PALB2: variants seen among roughly 807,000 people sequenced by gnomAD.
PALB2 encodes the protein partner and localizer of BRCA2.
PALB2 carries 82 observed loss-of-function variants against 107.4 expected under a neutral mutation model. That is an observed-to-expected ratio of 0.76 (90% CI 0.64 to 0.92). The LOEUF is 0.92. Among genes scored for constraint, PALB2 ranks in the 40% least tolerant of loss-of-function variants. The pLI is 0.00. For missense variants in PALB2, 1,374 were observed against 1,379.9 expected, an observed-to-expected ratio of 1.00 and a Z score of 0.07; for synonymous variants, 489 against 496.8, an observed-to-expected ratio of 0.98 and a Z score of 0.21.
At chr16:23,638,723 A>C (rs555237845) in intron 1 of PALB2, 20 of 355,238 alleles carry the variant, frequency 5.6e-5, no homozygotes, top group South Asian at 3.8e-4. Context: ...CAAGGTAAAA[A>C]AATACACAGA....
chr16:23,623,819 T>C, intron 8 of PALB2, 190 bp downstream of exon 8: 1 of 593,550 alleles, frequency 1.7e-6, no homozygotes. Flanking sequence ...GCGCCCAGCC[T>C]AGGTTCACAT....
At chr16:23,624,228 A>T in intron 7 of PALB2, 134 bp from the exon 8 acceptor site, 2 of 684,950 alleles carry the variant, frequency 2.9e-6, no homozygotes, top group Non-Finnish European at 2.6e-6. Context: ...AGGCTCAGAA[A>T]ACTCTTTTTA....
rs1375166092 is a variant in PALB2 at position 23,636,039 on chromosome 16, G to C, written c.507C>G (p.Leu169=). ...CCTTTAGTCTTTTCCCAGACAATCT[G>C]AGTGAATCAGTGCCAAAGACACAGT... ...ERDCVFGTDS[L]RLSGKRLKEQ... is the part of the protein sequence containing the mutation. Residue 169 remains leucine (L), a synonymous_variant, in exon 4 of 13, where the codon CTC becomes CTG. Transcript: ENST00000261584. 4 of 1,613,952 alleles carry C rather than the reference G, an allele frequency of 2.5e-6. No homozygotes were observed. Among genetic ancestry groups the C allele is most frequent in the Non-Finnish European group, 3.4e-6 (4 of 1,180,026 alleles).
At chr16:23,640,176 C>T (rs867420169) in intron 1 of PALB2, 8 of 173,712 alleles carry the variant, frequency 4.6e-5, no homozygotes, top group Non-Finnish European at 8.7e-5. Context: ...CAGGCGTGAG[C>T]CAGGGAGACT....
chr16:23,637,951 C>A lies in PALB2; in HGVS notation c.110G>T (p.Arg37Leu), dbSNP rs202194596. Residue 37 changes from arginine to leucine, a missense_variant and splice_region_variant, in exon 3 of 13, where the codon CGT becomes CTT. Coordinates refer to ENST00000261584, the MANE Select transcript of PALB2 (RefSeq NM_024675.4). ...CTTAATCTTTTCAGCTCTTTGGGCACGCTAGAGGAGACAAAAACAGCCCCA... is the reference window on the plus strand; with the variant it reads ...CTTAATCTTTTCAGCTCTTTGGGCAAGCTAGAGGAGACAAAAACAGCCCCA... ...EYSKTLARLQ[R>L]AQRAEKIKHS... 1 of 1,613,092 alleles carries A rather than the reference C, an allele frequency of 6.2e-7. No homozygotes were observed. The highest frequency in any genetic ancestry group is 8.5e-7 in the Non-Finnish European group (1 of 1,179,168).
In PALB2 at chr16:23,629,726, G is replaced by A. The variant is rs759894786; in HGVS notation, c.2428C>T (p.Pro810Ser). The A allele has an allele frequency of 2.5e-6, 4 of 1,614,218 alleles. No homozygotes were observed. The highest frequency in any genetic ancestry group is 2.2e-5 in the South Asian group (2 of 91,086). The change falls in exon 5 of 13, where the codon CCT becomes TCT. Residue 810 changes from proline (P) to serine (S), a missense_variant. Physicochemically the swap from Pro to Ser is moderately conservative, Grantham distance 74 (BLOSUM62 -1). Transcript: ENST00000261584. ...AAAGTGAATGACTCAATGGGTGGAG[G>A]TGTTCCTGGCGGGACAGAGTCACAG... ...CDCDSVPPGT[P>S]PPIESFTFKE...
intron 1 of PALB2, chr16:23,638,511 AAGGTAGC>A (rs1384397951): frequency 1.3e-5 from 6 of 463,026 alleles, no homozygotes; most frequent in Non-Finnish European, 2.1e-5. Flanking sequence ...CAGATCCTTG[AAGGTAGC>A]AGGAACTGCC....
rs1195275297 is a variant in PALB2 at position 23,630,068 on chromosome 16, T to C, written c.2086A>G (p.Thr696Ala). 1.2e-6 allele frequency: 2 copies of C among 1,614,172 alleles called. No homozygotes were observed. Among genetic ancestry groups the C allele is most frequent in the Middle Eastern group, 1.6e-4 (1 of 6,062 alleles). The change falls in exon 5 of 13, where the codon ACG becomes GCG. Residue 696 changes from threonine to alanine, a missense_variant. Physicochemically the swap from Thr to Ala is moderately conservative, Grantham distance 58 (BLOSUM62 0). Transcript: ENST00000261584. Reference protein sequence around the residue: ...RPNSQSQHTKTGLSSSILLYT... With the variant: ...RPNSQSQHTKAGLSSSILLYT... ...AGTAATATGGATGAAGAAAGGCCCG[T>C]CTTTGTATGCTGGCTTTGCGAGTTT...
chr16:23,607,832 C>T (rs1373057720), intron 12 of PALB2, 32 bp downstream of exon 12: 2 of 1,612,834 alleles, frequency 1.2e-6, no homozygotes, highest in Non-Finnish European at 1.7e-6. Context: ...TCAGAATGTC[C>T]CACCCATAGA....
rs730881875 is a variant in PALB2 at position 23,641,162 on chromosome 16, C to A, written c.-5G>T. The A allele has an allele frequency of 7.4e-6, 12 of 1,612,672 alleles. No individual in the cohort carries two copies. Among genetic ancestry groups the A allele is most frequent in the Non-Finnish European group, 8.5e-6 (10 of 1,179,746 alleles). ...CTTCCCGGGAGGCTCGTCCATCGGG[C>A]AGGCGACAGAACGAAAAGAGCAGCC... On this transcript the variant is annotated 5_prime_UTR_variant, in exon 1 of 13. Transcript: ENST00000261584.
At chr16:23,634,710 C>T (rs1471911064) in intron 4 of PALB2, 152 bp downstream of exon 4, 1 of 868,480 alleles carries the variant, frequency 1.2e-6, no homozygotes, top group East Asian at 2.8e-5. Context: ...TCACTCTGTT[C>T]CTCAGCCTCC....
intron 4 of PALB2, 134 bp from the exon 5 acceptor site, chr16:23,630,603 T>G (rs1966868823): frequency 1.3e-6 from 1 of 760,886 alleles, no homozygotes; most frequent in Non-Finnish European, 2.1e-6. Context: ...TTCCCCAGAA[T>G]GAACTTAATG....
At position 23,635,783 on chromosome 16, in the gene PALB2, C is replaced by G. The variant is rs1567222367; in HGVS notation, c.763G>C (p.Asp255His). The G allele has an allele frequency of 6.2e-7, 1 of 1,614,146 alleles. No individual in the cohort carries two copies. The highest frequency in any genetic ancestry group is 8.5e-7 in the Non-Finnish European group (1 of 1,180,016). The change falls in exon 4 of 13, where the codon GAT becomes CAT. Residue 255 changes from aspartate (D) to histidine (H), a missense_variant. By Grantham distance (81) the Asp-to-His change is moderately conservative. Coordinates refer to ENST00000261584, the MANE Select transcript of PALB2 (RefSeq NM_024675.4). ...ATTVPLQTLS[D>H]SGSSQHLEHI... ...TCAAGGTGCTGACTACTACCGCTAT[C>G]TGATAGAGTCTGTAAAGGAACTGTA...
intron 11 of PALB2, among the ~76,000 whole-genome samples, chr16:23,613,067 A>G (rs1405205249): frequency 6.6e-6 from 1 of 151,516 alleles, no homozygotes; most frequent in Non-Finnish European, 1.5e-5. Flanking sequence ...TATGGGGTAC[A>G]TGTATTTGTT....
At position 23,630,224 on chromosome 16, in the gene PALB2, C is replaced by T. The variant is rs786202439; in HGVS notation, c.1930G>A (p.Gly644Arg). Reference protein sequence around the residue: ...PVEPFESKMFGERHLKEGSCI... With the variant: ...PVEPFESKMFRERHLKEGSCI... The stretch of plus-strand genomic sequence containing the variant: ...CTTCCCTCTTTAAGATGTCTCTCTC[C>T]AAACATTTTTGACTCAAAGGGCTCC... The change falls in exon 5 of 13, where the codon GGA becomes AGA. Residue 644 changes from glycine (G) to arginine (R), a missense_variant. Transcript: ENST00000261584. 1.2e-6 allele frequency: 2 copies of T among 1,614,102 alleles called. No homozygotes were observed. Among genetic ancestry groups the T allele is most frequent in the South Asian group, 2.2e-5 (2 of 91,086 alleles).
In PALB2 at chr16:23,605,598, A is replaced by G. The variant is rs11864661; in HGVS notation, c.3351-1929T>C. Among the ~76,000 whole-genome samples, 267 of 152,242 alleles carry G rather than the reference A, an allele frequency of 1.8e-3. 1 individual carries two copies. Among genetic ancestry groups the G allele is most frequent in the African/African-American group, 5.3e-3 (220 of 41,558 alleles). On this transcript the variant is annotated intron_variant, in intron 12 of 12. Coordinates refer to ENST00000261584, the MANE Select transcript of PALB2 (RefSeq NM_024675.4). ...TCATTTTTGTATTTTTAGTGGAGAC[A>G]GGGTTTCACCATGTTGGCCAGGCTG...
chr16:23,620,459 A>G (rs1415346738), intron 10 of PALB2, among the ~76,000 whole-genome samples: 1 of 152,174 alleles, frequency 6.6e-6, no homozygotes, highest in Non-Finnish European at 1.5e-5. Context: ...CCTAGCTTAA[A>G]GCCATAATAG....
chr16:23,605,067 C>G (rs761235848), intron 12 of PALB2, among the ~76,000 whole-genome samples: 22 of 151,920 alleles, frequency 1.4e-4, no homozygotes, highest in Non-Finnish European at 3.1e-4. Context: ...GAGAGAAACT[C>G]CGTCTCAAAA....
At chr16:23,604,537 C>T (rs1417455096) in intron 12 of PALB2, among the ~76,000 whole-genome samples, 2 of 152,142 alleles carry the variant, frequency 1.3e-5, no homozygotes, top group East Asian at 1.9e-4. Context: ...GAGGCCAAGG[C>T]GGGTGGATCA....
Sources: allele counts gnomAD v4.1 joint callset (sites outside exome capture counted in the v4.1 genomes callset), GRCh38; gene constraint gnomAD v4.1.1; transcripts MANE v1.5; gene names NCBI Gene and HGNC (gene_info 2026-07-23, HGNC 2026-07-21).